Variants in BTRC observed in about 807,000 individuals in gnomAD.
The protein encoded by BTRC is F-box/WD repeat-containing protein 1A.
Under a neutral mutation model 85.5 loss-of-function variants are expected in BTRC, and 42 were observed. The observed-to-expected ratio is 0.49, with a 90% CI of 0.38 to 0.64. The LOEUF (loss-of-function observed/expected upper bound fraction) is 0.64. Among genes scored for constraint, BTRC ranks in the 30% least tolerant of loss-of-function variants. The probability of loss-of-function intolerance (pLI) is 0.00; values close to 1 mark genes in which losing one functional copy is unlikely to be tolerated. For synonymous variants in BTRC, 255 were observed against 263.3 expected (o/e 0.97, Z 0.30); for missense variants, 594 against 743.5 (o/e 0.80, Z 2.34).
intron 1 of BTRC, among the ~76,000 whole-genome samples, chr10:101,393,416 G>C (rs1751686380): frequency 6.6e-6 from 1 of 152,164 alleles, no homozygotes; most frequent in South Asian, 2.1e-4. Context: ...AGTTGTGACT[G>C]ATATCTAGGG....
chr10:101,526,935 A>G (rs1318465477), intron 6 of BTRC, among the ~76,000 whole-genome samples: 1 of 152,212 alleles, frequency 6.6e-6, no homozygotes, highest in Admixed American at 6.5e-5. Context: ...AGTCTAAGAG[A>G]CTTCACTAAT....
intron 4 of BTRC, among the ~76,000 whole-genome samples, chr10:101,486,858 G>T (rs1390994026): frequency 1.3e-5 from 2 of 152,110 alleles, no homozygotes; most frequent in Admixed American, 6.5e-5. Flanking sequence ...TTTCTGTGGT[G>T]TTCTGACTTC....
At chr10:101,429,068 C>G (rs981413346) in intron 1 of BTRC, among the ~76,000 whole-genome samples, 1 of 152,104 alleles carries the variant, frequency 6.6e-6, no homozygotes, top group Non-Finnish European at 1.5e-5. Context: ...AGAAAAAAGT[C>G]TATGACAATA....
At chr10:101,516,125 T>C (rs1323858663) in intron 4 of BTRC, among the ~76,000 whole-genome samples, 1 of 152,164 alleles carries the variant, frequency 6.6e-6, no homozygotes, top group Non-Finnish European at 1.5e-5. Context: ...AAAAGAAGAA[T>C]GTACTTTCAA....
At chr10:101,498,859 G>T (rs1946331100) in intron 4 of BTRC, among the ~76,000 whole-genome samples, 1 of 152,028 alleles carries the variant, frequency 6.6e-6, no homozygotes, top group African/African-American at 2.4e-5. Flanking sequence ...TGGGTGTAGT[G>T]GTGCGCGCCT....
chr10:101,354,403 C>G (rs928037994), intron 1 of BTRC, 175 bp downstream of exon 1: 2 of 697,624 alleles, frequency 2.9e-6, no homozygotes, highest in East Asian at 6.5e-5. Context: ...GGTTGCGGAG[C>G]GGACCCAGGG....
chr10:101,422,249 G>C (rs1375191210), intron 1 of BTRC, among the ~76,000 whole-genome samples: 1 of 152,130 alleles, frequency 6.6e-6, no homozygotes, highest in African/African-American at 2.4e-5. Context: ...TCATGTGTCT[G>C]TTGGCTGCAT....
intron 4 of BTRC, among the ~76,000 whole-genome samples, chr10:101,519,886 T>A (rs2062077983): frequency 6.6e-6 from 1 of 151,926 alleles, no homozygotes; most frequent in African/African-American, 2.4e-5. Context: ...TCCCAGCTAC[T>A]CAGGAGGCTG....
intron 1 of BTRC, among the ~76,000 whole-genome samples, chr10:101,416,872 CA>C (rs1943959901): frequency 6.6e-6 from 1 of 152,086 alleles, no homozygotes; most frequent in South Asian, 2.1e-4. Context: ...TAATTTTCTG[CA>C]TGAAATTTAG....
intron 13 of BTRC, among the ~76,000 whole-genome samples, chr10:101,541,353 G>A (rs562243832): frequency 5.3e-5 from 8 of 151,538 alleles, no homozygotes; most frequent in Non-Finnish European, 1.0e-4. Context: ...TCTGCCTCCT[G>A]GGTTCACGCC....
intron 4 of BTRC, among the ~76,000 whole-genome samples, chr10:101,501,600 C>T (rs1455439943): frequency 6.6e-6 from 1 of 152,136 alleles, no homozygotes; most frequent in African/African-American, 2.4e-5. Flanking sequence ...AAATAAACTA[C>T]AGTGTTTGAT....
At chr10:101,519,074 C>CTTTTTTTT (rs35213665) in intron 4 of BTRC, among the ~76,000 whole-genome samples, 1 of 104,936 alleles carries the variant, frequency 9.5e-6, no homozygotes, top group African/African-American at 3.5e-5. Flanking sequence ...CTCTTCTCAG[C>CTTTTTTTT]TTTTTTTTTT....
chr10:101,467,082 G>T (rs1945392790), intron 3 of BTRC, among the ~76,000 whole-genome samples: 1 of 152,042 alleles, frequency 6.6e-6, no homozygotes, highest in Non-Finnish European at 1.5e-5. Flanking sequence ...CCAGTGAACT[G>T]AGAGAAAACA....
intron 13 of BTRC, among the ~76,000 whole-genome samples, chr10:101,548,274 T>C (rs1241443611): frequency 1.3e-5 from 2 of 152,226 alleles, no homozygotes; most frequent in Non-Finnish European, 2.9e-5. Context: ...GACACGTACA[T>C]AAATGTTCCT....
At chr10:101,426,222 T>C (rs1944248419) in intron 1 of BTRC, among the ~76,000 whole-genome samples, 1 of 152,232 alleles carries the variant, frequency 6.6e-6, no homozygotes, top group African/African-American at 2.4e-5. Context: ...TTTTTCTCAG[T>C]GTTAAGTGGC....
At chr10:101,489,705 A>T (rs1946080099) in intron 4 of BTRC, among the ~76,000 whole-genome samples, 1 of 152,154 alleles carries the variant, frequency 6.6e-6, no homozygotes, top group Admixed American at 6.5e-5. Context: ...GTTTCTATGA[A>T]AATAAAATTG....
intron 6 of BTRC, among the ~76,000 whole-genome samples, chr10:101,529,672 A>G (rs993367847): frequency 1.1e-4 from 16 of 151,954 alleles, no homozygotes; most frequent in Non-Finnish European, 1.9e-4. Context: ...TCACTTCTCT[A>G]TTTCAGATTT....
chr10:101,434,403 C>T (rs1374631199), intron 2 of BTRC, among the ~76,000 whole-genome samples: 2 of 152,026 alleles, frequency 1.3e-5, no homozygotes, highest in Non-Finnish European at 2.9e-5. Context: ...CAATGAACCT[C>T]AACGGTTATA....
intron 4 of BTRC, among the ~76,000 whole-genome samples, chr10:101,501,806 A>G (rs1018534219): frequency 6.6e-6 from 1 of 152,208 alleles, no homozygotes; most frequent in Middle Eastern, 3.2e-3. Flanking sequence ...CTAATTTTAA[A>G]TCAGATGCAT....
Sources: allele counts gnomAD v4.1 joint callset (sites outside exome capture counted in the v4.1 genomes callset), GRCh38; gene constraint gnomAD v4.1.1; transcripts MANE v1.5; gene names NCBI Gene and HGNC (gene_info 2026-07-23, HGNC 2026-07-21).